TBC1D22A: variants seen among roughly 807,000 people sequenced by gnomAD.
TBC1D22A encodes the protein TBC1 domain family member 22A, also known as putative GTPase activator.
TBC1D22A carries 38 observed loss-of-function variants against 60.2 expected under a neutral mutation model. That is an observed-to-expected ratio of 0.63 (90% CI 0.49 to 0.83). TBC1D22A has a LOEUF of 0.83. Among genes scored for constraint, TBC1D22A ranks in the 40% least tolerant of loss-of-function variants. The pLI is 0.00. For synonymous variants in TBC1D22A, 302 were observed against 281.7 expected (o/e 1.07, Z -0.72); for missense variants, 628 against 701.0 (o/e 0.90, Z 1.18).
intron 4 of TBC1D22A, among the ~76,000 whole-genome samples, chr22:46,862,451 T>A (rs963429703): frequency 1.3e-5 from 2 of 152,174 alleles, no homozygotes; most frequent in Non-Finnish European, 2.9e-5. Context: ...AGCCCCCTCT[T>A]GCTTCTGTTC....
chr22:46,828,260 G>A (rs1480985592), intron 4 of TBC1D22A, among the ~76,000 whole-genome samples: 1 of 152,228 alleles, frequency 6.6e-6, no homozygotes, highest in Non-Finnish European at 1.5e-5. Context: ...ATATGTAAGT[G>A]TGATAAAGTT....
intron 10 of TBC1D22A, among the ~76,000 whole-genome samples, chr22:47,029,606 G>A (rs1393595721): frequency 6.6e-6 from 1 of 152,200 alleles, no homozygotes; most frequent in Non-Finnish European, 1.5e-5. Flanking sequence ...GAGAAGACCT[G>A]CCGGCAGCCT....
At chr22:46,929,623 C>T (rs945053614) in intron 8 of TBC1D22A, among the ~76,000 whole-genome samples, 14 of 152,174 alleles carry the variant, frequency 9.2e-5, no homozygotes, top group Non-Finnish European at 5.9e-5. Context: ...AATACACTCT[C>T]CAGTACTGAC....
At chr22:46,927,097 A>G (rs1382378074) in intron 8 of TBC1D22A, among the ~76,000 whole-genome samples, 1 of 152,206 alleles carries the variant, frequency 6.6e-6, no homozygotes, top group African/African-American at 2.4e-5. Flanking sequence ...TTTTCACCTC[A>G]TTCTATGTGG....
intron 8 of TBC1D22A, among the ~76,000 whole-genome samples, chr22:46,930,131 C>T (rs2071273220): frequency 6.6e-6 from 1 of 152,204 alleles, no homozygotes; most frequent in African/African-American, 2.4e-5. Context: ...TTGAGCCTGT[C>T]TTTGGGACCT....
At chr22:46,943,620 G>A (rs2072319341) in intron 8 of TBC1D22A, among the ~76,000 whole-genome samples, 1 of 152,138 alleles carries the variant, frequency 6.6e-6, no homozygotes, top group South Asian at 2.1e-4. Context: ...GTGGTTTTTA[G>A]TGTCTTCACA....
At chr22:46,814,428 C>T (rs1431300888) in intron 4 of TBC1D22A, among the ~76,000 whole-genome samples, 1 of 152,092 alleles carries the variant, frequency 6.6e-6, no homozygotes, top group Non-Finnish European at 1.5e-5. Context: ...TGTCTGAGTC[C>T]ACTGGGCACA....
chr22:47,010,070 T>C (rs1378882627), intron 10 of TBC1D22A, among the ~76,000 whole-genome samples: 3 of 152,280 alleles, frequency 2.0e-5, no homozygotes, highest in African/African-American at 7.2e-5. Context: ...CGGCTTTATG[T>C]ACCTGAACAT....
intron 1 of TBC1D22A, chr22:46,774,076 TCCCGCCCCCGCA>T (rs1404164261): frequency 1.0e-6 from 1 of 985,460 alleles, no homozygotes; most frequent in East Asian, 1.1e-4. Flanking sequence ...GAGGTGTTCC[TCCCGCCCCCGCA>T]CCCATCCTCC....
intron 7 of TBC1D22A, 135 bp from the exon 8 acceptor site, chr22:46,911,939 A>T: frequency 1.6e-6 from 1 of 608,832 alleles, no homozygotes; most frequent in Non-Finnish European, 2.9e-6. Flanking sequence ...AAAAATTGAT[A>T]TTTGTTTATA....
intron 10 of TBC1D22A, among the ~76,000 whole-genome samples, chr22:47,010,012 A>G (rs919752270): frequency 2.6e-5 from 4 of 152,252 alleles, no homozygotes; most frequent in African/African-American, 7.2e-5. Context: ...AAGGAAGAAA[A>G]TGCCAACAAA....
intron 10 of TBC1D22A, among the ~76,000 whole-genome samples, chr22:47,010,666 T>C (rs1008373825): frequency 2.0e-5 from 3 of 152,158 alleles, no homozygotes; most frequent in African/African-American, 7.2e-5. Flanking sequence ...TTGGTGAACC[T>C]GTCTGCAGCC....
At chr22:46,884,530 G>A (rs978206885) in intron 5 of TBC1D22A, among the ~76,000 whole-genome samples, 1 of 152,140 alleles carries the variant, frequency 6.6e-6, no homozygotes, top group African/African-American at 2.4e-5. Context: ...GTGGAAAGGC[G>A]GCTGCTGGCC....
chr22:46,865,647 C>T (rs1218640285), intron 4 of TBC1D22A, among the ~76,000 whole-genome samples: 4 of 152,226 alleles, frequency 2.6e-5, no homozygotes, highest in African/African-American at 9.6e-5. Flanking sequence ...TGTCTGCGCA[C>T]ATCCAGATTC....
chr22:47,146,164 G>A (rs1437215206), intron 12 of TBC1D22A, among the ~76,000 whole-genome samples: 1 of 152,028 alleles, frequency 6.6e-6, no homozygotes, highest in African/African-American at 2.4e-5. Flanking sequence ...GGGGTTGACT[G>A]GGGGCCGCGG....
chr22:47,057,315 C>G (rs566006532), intron 11 of TBC1D22A, among the ~76,000 whole-genome samples: 2 of 152,322 alleles, frequency 1.3e-5, no homozygotes, highest in South Asian at 4.1e-4. Flanking sequence ...GTTCTTGCCT[C>G]CCACCCCATG....
intron 11 of TBC1D22A, 34 bp from the exon 12 acceptor site, chr22:47,111,465 TCACGCGTTA>T (rs1318109025): frequency 6.4e-7 from 1 of 1,569,132 alleles, no homozygotes; most frequent in Non-Finnish European, 8.8e-7. Context: ...TGTTAATGGG[TCACGCGTTA>T]CAATTTCTCT....
chr22:46,773,468 T>C (rs563591139), intron 1 of TBC1D22A, among the ~76,000 whole-genome samples: 42 of 152,166 alleles, frequency 2.8e-4, no homozygotes, highest in African/African-American at 8.9e-4. Context: ...TAGGCACTTA[T>C]TTTTATTTTT....
intron 4 of TBC1D22A, among the ~76,000 whole-genome samples, chr22:46,867,959 CA>C (rs985361954): frequency 1.3e-5 from 2 of 152,116 alleles, no homozygotes; most frequent in Non-Finnish European, 2.9e-5. Flanking sequence ...AAACAAAAAC[CA>C]AAAAGCAAAA....
Sources: allele counts gnomAD v4.1 joint callset (sites outside exome capture counted in the v4.1 genomes callset), GRCh38; gene constraint gnomAD v4.1.1; transcripts MANE v1.5; gene names NCBI Gene and HGNC (gene_info 2026-07-23, HGNC 2026-07-21).